ZNF711: variants seen among roughly 807,000 people sequenced by gnomAD.
The protein encoded by ZNF711 is ZFX family zinc finger ZNF711.
ZNF711 carries 3 observed loss-of-function variants against 43.5 expected under a neutral mutation model. The observed-to-expected ratio is 0.07, with a 90% CI of 0.03 to 0.18. The LOEUF (loss-of-function observed/expected upper bound fraction) is 0.18, where lower values mean the gene tolerates loss of function less well. Ranked by LOEUF, ZNF711 falls within the 10% of genes least tolerant of loss-of-function variation. ZNF711 has a pLI of 1.00. For synonymous variants in ZNF711, 209 were observed against 207.7 expected, an observed-to-expected ratio of 1.01 and a Z score of -0.06; for missense variants, 412 against 604.0, an observed-to-expected ratio of 0.68 and a Z score of 3.33.
Position 85,253,010 on chromosome X carries a change from GT to G in ZNF711, c.80-2245del, listed in dbSNP as rs764092869. ...CTACTTTATAGAAAGTGATCAAAAG[GT>G]TTTGTACTGGATGATTTCTTGTAGA... On this transcript the variant is annotated intron_variant, in intron 4 of 10. Transcript: ENST00000674551. 8.9e-5 allele frequency among the ~76,000 whole-genome samples: 10 copies of G among 111,775 alleles called. No individual in the cohort carries two copies. The South Asian group carries it at 3.4e-3, about 38-fold the overall frequency.
Position 85,264,309 on chromosome X carries a change from G to A in ZNF711, c.657G>A (p.Gly219=), listed in dbSNP as rs868184026. 3.3e-6 allele frequency: 4 copies of A among 1,203,752 alleles called. No individual in the cohort carries two copies. Among genetic ancestry groups the A allele is most frequent in the Non-Finnish European group, 4.5e-6 (4 of 889,260 alleles). ...DDVGEKLEHM[G]NTPLKIGSDG... Reference sequence around the variant, plus strand: ...TTGGAGAAAAATTAGAGCATATGGGGAATACACCATTAAAAATTGGCAGTG... The same window carrying A: ...TTGGAGAAAAATTAGAGCATATGGGAAATACACCATTAAAAATTGGCAGTG... Residue 219 remains glycine, a synonymous_variant, in exon 6 of 11, where the codon GGG becomes GGA. Coordinates refer to ENST00000674551, the MANE Select transcript of ZNF711 (RefSeq NM_001330574.2).
chrX:85,253,266 C>G (rs1007499797), intron 4 of ZNF711, among the ~76,000 whole-genome samples: 1 of 111,509 alleles, frequency 9.0e-6, no homozygotes, highest in East Asian at 2.8e-4. Flanking sequence ...AGAGTTTTTC[C>G]CCCTAAATCA....
intron 5 of ZNF711, among the ~76,000 whole-genome samples, chrX:85,261,978 T>C (rs1414737903): frequency 1.8e-5 from 2 of 111,119 alleles, no homozygotes; most frequent in Non-Finnish European, 3.8e-5. Flanking sequence ...ACGAAGGATA[T>C]AGAATAAATC....
At chrX:85,270,556 C>T in intron 10 of ZNF711, 95 bp from the exon 11 acceptor site, 1 of 742,620 alleles carries the variant, frequency 1.3e-6, no homozygotes, top group South Asian at 2.3e-5. Context: ...GTATTGTTTT[C>T]ACATAGTGAA....
At position 85,272,785 on chromosome X, in the gene ZNF711, A is replaced by G. The variant is rs751882595; in HGVS notation, c.*957A>G. ...TTATTGAAATTGATTTTTAAAATCTATATACCATATGATTAACATGCATTT... is the reference window on the plus strand; with the variant it reads ...TTATTGAAATTGATTTTTAAAATCTGTATACCATATGATTAACATGCATTT... On this transcript the variant is annotated 3_prime_UTR_variant, in exon 11 of 11. Transcript: ENST00000674551. 1.2e-4 allele frequency: 14 copies of G among 112,209 alleles called. No individual in the cohort carries two copies. The highest frequency in any genetic ancestry group is 4.2e-4 in the African/African-American group (13 of 30,935). 9.2% of individuals were successfully genotyped at this position (112,209 alleles called of 1,213,427 possible).
intron 8 of ZNF711, 41 bp downstream of exon 8, chrX:85,267,456 T>C (rs993651457): frequency 4.9e-5 from 51 of 1,042,745 alleles, no homozygotes; most frequent in Non-Finnish European, 6.2e-5. Context: ...GTACATAATA[T>C]GTATTTACTC....
chrX:85,258,248 G>T (rs1482578644), intron 5 of ZNF711, among the ~76,000 whole-genome samples: 1 of 111,558 alleles, frequency 9.0e-6, no homozygotes, highest in East Asian at 2.8e-4. Context: ...TGGAATTGGA[G>T]ACTGTTATTC....
chrX:85,256,537 G>A (rs747785095), intron 5 of ZNF711, among the ~76,000 whole-genome samples: 44 of 111,442 alleles, frequency 3.9e-4, no homozygotes, highest in Middle Eastern at 9.2e-3. Context: ...CATGCTACAA[G>A]TAGTTAAGAT....
At position 85,255,323 on chromosome X, in the gene ZNF711, T is replaced by C; in HGVS notation, c.144T>C (p.Ala48=). Residue 48 remains alanine (A), a synonymous_variant, in exon 5 of 11, where the codon GCT becomes GCC. Transcript: ENST00000674551. The part of the protein sequence containing the change: ...GDHIVVSVPE[A]VLVSDVVTDD... ...ATATTGTTGTTTCAGTTCCTGAAGC[T>C]GTTTTAGTTTCTGATGTTGTCACAG... 2.5e-6 allele frequency: 3 copies of C among 1,211,521 alleles called. No homozygotes were observed. The highest frequency in any genetic ancestry group is 3.4e-6 in the Non-Finnish European group (3 of 895,208).
intron 6 of ZNF711, 98 bp from the exon 7 acceptor site, chrX:85,265,019 TA>T (rs1930977039): frequency 2.5e-6 from 2 of 811,554 alleles, no homozygotes. Context: ...TTTTGGAATT[TA>T]TTTTTTTTCT....
chrX:85,255,582 A>T lies in ZNF711; in HGVS notation c.403A>T (p.Thr135Ser). The T allele has an allele frequency of 1.7e-6, 2 of 1,211,732 alleles. No individual in the cohort carries two copies. The highest frequency in any genetic ancestry group is 1.1e-6 in the Non-Finnish European group (1 of 895,481). The change falls in exon 5 of 11, where the codon ACT becomes TCT. Residue 135 changes from threonine to serine, a missense_variant. Around this residue, in one of 4 missense-constraint regions of ZNF711, gnomAD observed 375 missense variants for 514.2 expected, o/e 0.73. Coordinates refer to ENST00000674551, the MANE Select transcript of ZNF711 (RefSeq NM_001330574.2). The stretch of plus-strand genomic sequence containing the variant: ...GCAGGTTTTCGTGGCTGACCTTGTT[A>T]CTGGTCCTAATGGACACTTAGAACA... ...PEQVFVADLV[T>S]GPNGHLEHVV...
chrX:85,248,236 A>G (rs373318238), intron 4 of ZNF711, among the ~76,000 whole-genome samples: 1 of 107,844 alleles, frequency 9.3e-6, no homozygotes, highest in Admixed American at 9.9e-5. Flanking sequence ...TTGGGAGGCA[A>G]AGGCGGGCGG....
intron 5 of ZNF711, among the ~76,000 whole-genome samples, chrX:85,256,364 C>T (rs1930143190): frequency 9.0e-6 from 1 of 111,703 alleles, no homozygotes; most frequent in African/African-American, 3.3e-5. Context: ...GACTGCTTTG[C>T]AAGATTCTTA....
intron 5 of ZNF711, among the ~76,000 whole-genome samples, chrX:85,260,470 T>C (rs1219152381): frequency 1.8e-5 from 2 of 110,982 alleles, no homozygotes; most frequent in Non-Finnish European, 3.8e-5. Flanking sequence ...AATTTACACA[T>C]CCTTTTATTT....
chrX:85,249,500 G>GA (rs1416869891), intron 4 of ZNF711, among the ~76,000 whole-genome samples: 5 of 109,384 alleles, frequency 4.6e-5, no homozygotes, highest in East Asian at 5.7e-4. Context: ...TTCAAAAGAT[G>GA]AAAAAAAAAT....
At chrX:85,267,449 C>G (rs1388760506) in intron 8 of ZNF711, 34 bp downstream of exon 8, 2 of 1,063,878 alleles carry the variant, frequency 1.9e-6, no homozygotes, top group Non-Finnish European at 2.4e-6. Flanking sequence ...CTGATAAGTA[C>G]ATAATATGTA....
intron 5 of ZNF711, among the ~76,000 whole-genome samples, chrX:85,259,744 T>A (rs1015778133): frequency 2.7e-5 from 3 of 111,658 alleles, no homozygotes; most frequent in African/African-American, 9.7e-5. Context: ...TGATTTTGTA[T>A]CCTGAAGCCT....
At position 85,272,669 on chromosome X, in the gene ZNF711, A is replaced by T. The variant is rs1250592178; in HGVS notation, c.*841A>T. ...AGAGAACACAGTTTTCTTAAATATT[A>T]TAATGTCTAGAGTTTTTTTAGGACA... On this transcript the variant is annotated 3_prime_UTR_variant, in exon 11 of 11. Transcript: ENST00000674551. 1 of 112,221 alleles carries T rather than the reference A, an allele frequency of 8.9e-6. No individual in the cohort carries two copies. Among genetic ancestry groups the T allele is most frequent in the Non-Finnish European group, 1.9e-5 (1 of 53,039 alleles). The allele number at this position is 112,221 out of a possible 1,213,427, so 9.2% of individuals were successfully genotyped here.
intron 5 of ZNF711, among the ~76,000 whole-genome samples, chrX:85,261,825 T>C (rs1398670236): frequency 9.0e-6 from 1 of 111,096 alleles, no homozygotes; most frequent in Non-Finnish European, 1.9e-5. Flanking sequence ...ACTTGAATAT[T>C]GCATACCTTA....
Sources: allele counts gnomAD v4.1 joint callset (sites outside exome capture counted in the v4.1 genomes callset), GRCh38; gene constraint gnomAD v4.1.1; regional missense constraint gnomAD v4.1.1; transcripts MANE v1.5; gene names NCBI Gene and HGNC (gene_info 2026-07-23, HGNC 2026-07-21).